The following STK32C variants were observed in gnomAD, a reference collection of about 807,000 sequenced individuals.
The protein encoded by STK32C is serine/threonine-protein kinase 32C.
STK32C carries 31 observed loss-of-function variants against 56.5 expected under a neutral mutation model. The ratio of observed to expected loss-of-function variants is 0.55; its 90% CI spans 0.41 to 0.74. STK32C has a LOEUF of 0.74. Ranked by LOEUF, STK32C falls within the 30% of genes least tolerant of loss-of-function variation. The probability of loss-of-function intolerance (pLI) is 0.00; values close to 1 mark genes in which losing one functional copy is unlikely to be tolerated. For synonymous variants in STK32C, 309 were observed against 289.4 expected, an observed-to-expected ratio of 1.07 and a Z score of -0.69; for missense variants, 544 against 676.9, an observed-to-expected ratio of 0.80 and a Z score of 2.18.
At chr10:132,245,333 C>T (rs1265584665) in intron 2 of STK32C, among the ~76,000 whole-genome samples, 2 of 152,212 alleles carry the variant, frequency 1.3e-5, no homozygotes, top group Non-Finnish European at 2.9e-5. Context: ...TTTCCGAGTG[C>T]TCGTTAAGCC....
intron 1 of STK32C, among the ~76,000 whole-genome samples, chr10:132,273,376 C>G (rs986603000): frequency 6.6e-6 from 1 of 152,158 alleles, no homozygotes; most frequent in African/African-American, 2.4e-5. Flanking sequence ...GATATCACTG[C>G]AGTACCTCCT....
chr10:132,246,951 T>C (rs1394530711), intron 1 of STK32C, among the ~76,000 whole-genome samples: 1 of 152,224 alleles, frequency 6.6e-6, no homozygotes, highest in African/African-American at 2.4e-5. Flanking sequence ...CACTGTGCCC[T>C]GAAGCCAGGT....
chr10:132,299,624 C>T (rs1438451351), intron 1 of STK32C, among the ~76,000 whole-genome samples: 1 of 152,230 alleles, frequency 6.6e-6, no homozygotes, highest in Admixed American at 6.5e-5. Flanking sequence ...ACATTCTGGT[C>T]CCACAGACGT....
At chr10:132,259,211 C>A (rs538202360) in intron 1 of STK32C, among the ~76,000 whole-genome samples, 1 of 152,328 alleles carries the variant, frequency 6.6e-6, no homozygotes, top group East Asian at 1.9e-4. Context: ...GGAAAATGGG[C>A]CCTGCAGGAC....
chr10:132,223,812 T>C (rs1038090958), intron 8 of STK32C, among the ~76,000 whole-genome samples: 14 of 152,142 alleles, frequency 9.2e-5, no homozygotes, highest in African/African-American at 3.4e-4. Flanking sequence ...CCGAACCCCC[T>C]ATGGTGTTAA....
At chr10:132,311,585 T>C (rs2066222766), upstream of STK32C, among the ~76,000 whole-genome samples, 1 of 152,188 alleles carries the variant, frequency 6.6e-6, no homozygotes, top group Non-Finnish European at 1.5e-5. This position sits in a 1 kb window ranked among gnomAD's most constrained non-coding sequence, Gnocchi z 4.4. Flanking sequence ...ACGGAGAACA[T>C]GCAGGACGGG....
At chr10:132,250,678 G>A (rs2063871222) in intron 1 of STK32C, among the ~76,000 whole-genome samples, 1 of 152,182 alleles carries the variant, frequency 6.6e-6, no homozygotes, top group Non-Finnish European at 1.5e-5. Flanking sequence ...CCCGAGTGCA[G>A]GTGTGTGTGA....
At chr10:132,301,186 C>T (rs1342572115) in intron 1 of STK32C, among the ~76,000 whole-genome samples, 1 of 151,828 alleles carries the variant, frequency 6.6e-6, no homozygotes, top group Admixed American at 6.6e-5. Flanking sequence ...CAGCTCTGAG[C>T]TTCCCAACAC....
chr10:132,249,923 G>A (rs1401044166), intron 1 of STK32C, among the ~76,000 whole-genome samples: 2 of 152,250 alleles, frequency 1.3e-5, no homozygotes, highest in East Asian at 3.8e-4. Context: ...AAGGAGAGGT[G>A]AGCTCTCATT....
intron 1 of STK32C, among the ~76,000 whole-genome samples, chr10:132,253,432 G>A (rs1275370895): frequency 4.2e-5 from 6 of 144,476 alleles, no homozygotes; most frequent in Non-Finnish European, 7.4e-5. Context: ...GGAGGGAGTC[G>A]AGGGAGCTGG....
In STK32C at chr10:132,247,531, G is replaced by A. The variant is rs139585291; in HGVS notation, c.263-1576C>T. ...CAGGGTGGCATCCTGGGGAGAGGAC[G>A]CCTGTGCTGGGCCCTCCAGGACAAG... On this transcript the variant is annotated intron_variant, in intron 1 of 11. Transcript: ENST00000298630. 1.1e-3 allele frequency among the ~76,000 whole-genome samples: 173 copies of A among 152,300 alleles called. 1 individual carries two copies. The highest frequency in any genetic ancestry group is 2.2e-3 in the Non-Finnish European group (153 of 68,028).
rs7079600 is a variant in STK32C, at chr10:132,296,513, C to T, written c.262+11059G>A. Among the ~76,000 whole-genome samples the T allele has an allele frequency of 7.1e-3, 1,077 of 152,258 alleles. 8 individuals carry two copies. The highest frequency in any genetic ancestry group is 0.019 in the South Asian group (93 of 4,832). The stretch of plus-strand genomic sequence containing the variant: ...AACTTTTCTATAAATCTAAACTATC[C>T]TGAAATTTAAAAGGCCACATAGATT... On this transcript the variant is annotated intron_variant, in intron 1 of 11. Coordinates refer to ENST00000298630, the MANE Select transcript of STK32C (RefSeq NM_173575.4).
rs201852787 is a variant in STK32C, at chr10:132,225,309, T to C, written c.800A>G (p.Asn267Ser). ...CTCGAAGGAGTAGCCGGTCCCGCCG[T>C]TGACAAAAGAGTGGAAGATCTCCGG... Reference protein sequence around the residue: ...MAPEIFHSFVNGGTGYSFEVD... With the variant: ...MAPEIFHSFVSGGTGYSFEVD... The change falls in exon 7 of 12, where the codon AAC becomes AGC. Residue 267 changes from asparagine to serine, a missense_variant. Coordinates refer to ENST00000298630, the MANE Select transcript of STK32C (RefSeq NM_173575.4). The C allele has an allele frequency of 3.1e-6, 5 of 1,612,050 alleles. No individual in the cohort carries two copies. Among genetic ancestry groups the C allele is most frequent in the East Asian group, 4.5e-5 (2 of 44,766 alleles).
intron 1 of STK32C, among the ~76,000 whole-genome samples, chr10:132,280,998 G>A (rs1455199521): frequency 1.4e-5 from 2 of 139,260 alleles, no homozygotes; most frequent in Non-Finnish European, 3.1e-5. Context: ...CCTGCACTCC[G>A]TGATCACGCC....
intron 1 of STK32C, among the ~76,000 whole-genome samples, chr10:132,329,670 G>A (rs1454943377): frequency 6.6e-6 from 1 of 152,154 alleles, no homozygotes; most frequent in East Asian, 1.9e-4. Flanking sequence ...ACTGGGAAGC[G>A]CAGTTTGAGA....
intron 1 of STK32C, among the ~76,000 whole-genome samples, chr10:132,268,956 C>T (rs1590338266): frequency 1.6e-5 from 2 of 126,604 alleles, no homozygotes; most frequent in Non-Finnish European, 3.3e-5. Context: ...TGTCTCACAT[C>T]GTGTGTGTGT....
chr10:132,255,462 C>T lies in STK32C; in HGVS notation c.263-9507G>A, dbSNP rs116171557. ...GGCCTGCGGGAACAAAGACCCACCA[C>T]GCTGACGGGCAGGGTTGACGCAGAT... On this transcript the variant is annotated intron_variant, in intron 1 of 11. Transcript: ENST00000298630. The surrounding 1 kb of genome is among the most constrained non-coding windows in gnomAD (Gnocchi z 4.6). Among the ~76,000 whole-genome samples, 363 of 152,276 alleles carry T rather than the reference C, an allele frequency of 2.4e-3. 2 individuals carry two copies. Among genetic ancestry groups the T allele is most frequent in the African/African-American group, 8.5e-3 (354 of 41,558 alleles).
chr10:132,331,815 C>A, exon 1 of STK32C: 1 of 1,578,044 alleles, frequency 6.3e-7, no homozygotes, highest in Admixed American at 1.7e-5. Context: ...CGTCGACCAC[C>A]ACCCCTTCAA....
At chr10:132,278,112 C>T (rs1050647706) in intron 1 of STK32C, among the ~76,000 whole-genome samples, 4 of 152,180 alleles carry the variant, frequency 2.6e-5, no homozygotes, top group African/African-American at 9.7e-5. Flanking sequence ...GCTCACACCC[C>T]TCTCTGCAGA....
Sources: allele counts gnomAD v4.1 joint callset (sites outside exome capture counted in the v4.1 genomes callset), GRCh38; gene constraint gnomAD v4.1.1; non-coding constraint Gnocchi (gnomAD v3.1); transcripts MANE v1.5; gene names NCBI Gene and HGNC (gene_info 2026-07-23, HGNC 2026-07-21).